LAMA5: variants seen among roughly 807,000 people sequenced by gnomAD.
LAMA5 encodes laminin subunit alpha 5, also known as laminin subunit alpha-5.
LAMA5 carries 260 observed loss-of-function variants against 433.4 expected under a neutral mutation model. The observed-to-expected ratio is 0.60, with a 90% CI of 0.54 to 0.66. The LOEUF (loss-of-function observed/expected upper bound fraction) is 0.66. Ranked by LOEUF, LAMA5 falls within the 30% of genes least tolerant of loss-of-function variation. The pLI is 0.00. For missense variants in LAMA5, 5,378 were observed against 5,258.5 expected (o/e 1.02, Z -0.70); for synonymous variants, 2,620 against 2,226.6 (o/e 1.18, Z -4.97).
chr20:62,329,339 G>A (rs528063052), intron 32 of LAMA5, 86 bp from the exon 33 acceptor site: 127 of 1,006,056 alleles, frequency 1.3e-4, no homozygotes, highest in Admixed American at 6.7e-4. Flanking sequence ...CCAGGGTCCT[G>A]CAGGCAGCTC....
At chr20:62,348,831 A>G (rs1983757845) in intron 6 of LAMA5, among the ~76,000 whole-genome samples, 1 of 152,116 alleles carries the variant, frequency 6.6e-6, no homozygotes, top group African/African-American at 2.4e-5. Context: ...TCCAGAAGAC[A>G]CCTCAGAAGA....
chr20:62,352,487 C>G (rs1984505039), intron 3 of LAMA5, 127 bp from the exon 4 acceptor site: 1 of 678,316 alleles, frequency 1.5e-6, no homozygotes, highest in Admixed American at 2.5e-5. Context: ...GGCCGCGTGA[C>G]AGAGACCACA....
Position 62,328,819 on chromosome 20 carries a change from G to T in LAMA5, c.4447+25C>A, listed in dbSNP as rs1979792247. On this transcript the variant is annotated intron_variant, in intron 34 of 79. Transcript: ENST00000252999. ...CTCTGGCACCAACTCCCTGCCACTG[G>T]GCGCCCAAGGACTGGGGTACTCACG... The T allele has an allele frequency of 1.9e-6, 3 of 1,604,530 alleles. No individual in the cohort carries two copies. In the African/African-American group the frequency reaches 4.0e-5, roughly 22 times the overall value.
intron 63 of LAMA5, 39 bp downstream of exon 63, chr20:62,313,610 G>A (rs762096963): frequency 2.2e-5 from 35 of 1,608,440 alleles, no homozygotes; most frequent in East Asian, 1.8e-4. Context: ...TCGGGGCTGC[G>A]GAGCCCCTCC....
rs769308093 is a variant in LAMA5 at position 62,362,350 on chromosome 20, G to A, written c.450+50C>T. On this transcript the variant is annotated intron_variant, in intron 2 of 79. Coordinates refer to ENST00000252999, the MANE Select transcript of LAMA5 (RefSeq NM_005560.6). ...TCCTGTGGCCCAAGGTAGGCCCGAC[G>A]GGCACAGACACAGAGATGGGGGCTG... 9.3e-5 allele frequency: 130 copies of A among 1,401,240 alleles called. 1 individual carries two copies. The Admixed American group carries it at 9.9e-4, about 11-fold the overall frequency. 86.8% of individuals were successfully genotyped at this position (1,401,240 alleles called of 1,614,324 possible). A position where few individuals can be genotyped will look rare whatever the true frequency, so the allele number is the denominator to read the frequency against.
chr20:62,343,021 T>C (rs904459752), intron 11 of LAMA5, among the ~76,000 whole-genome samples: 8 of 152,216 alleles, frequency 5.3e-5, no homozygotes, highest in Non-Finnish European at 1.2e-4. Context: ...AAATTGTCAG[T>C]TTACACCAGG....
rs1444572055 is a variant in LAMA5 at position 62,324,191 on chromosome 20, T to A, written c.5657A>T (p.Asn1886Ile). 1.9e-6 allele frequency: 3 copies of A among 1,575,918 alleles called. No homozygotes were observed. The East Asian group carries it at 6.7e-5, about 35-fold the overall frequency. Residue 1886 changes from asparagine (N) to isoleucine (I), a missense_variant, in exon 43 of 80, where the codon AAC (asparagine) becomes ATC (isoleucine). Asn to Ile is a moderately radical substitution (Grantham distance 149). Coordinates refer to ENST00000252999, the MANE Select transcript of LAMA5 (RefSeq NM_005560.6). This position sits in a 1 kb window ranked among gnomAD's most constrained non-coding sequence, Gnocchi z 4.4. The part of the protein sequence containing the change: ...GSGVCVDCQH[N>I]TEGAHCERCQ... ...GCGCTCACAGTGGGCCCCTTCGGTG[T>A]TGTGCTGGCAGTCCTGGGGCAGAGT...
intron 28 of LAMA5, 69 bp downstream of exon 28, chr20:62,332,303 C>T (rs1481941305): frequency 8.7e-7 from 1 of 1,144,488 alleles, no homozygotes; most frequent in Non-Finnish European, 1.3e-6. Flanking sequence ...GTCCTCTCCC[C>T]TCTCATGCAT....
chr20:62,331,091 C>T lies in LAMA5; in HGVS notation c.3591G>A (p.Pro1197=), dbSNP rs151262272. 4.2e-5 allele frequency: 68 copies of T among 1,603,592 alleles called. No homozygotes were observed. The highest frequency in any genetic ancestry group is 3.5e-4 in the African/African-American group (26 of 74,388). The change falls in exon 29 of 80, where the codon CCG becomes CCA. Residue 1197 remains proline, a synonymous_variant. Transcript: ENST00000252999. ...AGCTGACCCGGGGCTCCACGAACTC[C>T]GGGCTGAACTCCTCAATGGGCACCA... ...VTLVPIEEFS[P]EFVEPRVSCI... is the part of the protein sequence containing the mutation.
chr20:62,329,759 ACAT>A lies in LAMA5; in HGVS notation c.4119+15_4119+17del. On this transcript the variant is annotated intron_variant, in intron 32 of 79. Coordinates refer to ENST00000252999, the MANE Select transcript of LAMA5 (RefSeq NM_005560.6). ...TAAGGACAGCTGGTCCCTGAGCAGGACATCAGCTGGGACTCACCAGCCAGAGCC... is the reference window on the plus strand; with the variant it reads ...TAAGGACAGCTGGTCCCTGAGCAGGACAGCTGGGACTCACCAGCCAGAGCC... The A allele has an allele frequency of 6.2e-7, 1 of 1,611,848 alleles. No homozygotes were observed. Among genetic ancestry groups the A allele is most frequent in the Non-Finnish European group, 8.5e-7 (1 of 1,179,470 alleles).
rs1981913841 is a variant in LAMA5 at position 62,337,716 on chromosome 20, A to T, written c.2038T>A (p.Ser680Thr). 6.2e-7 allele frequency: 1 copy of T among 1,609,468 alleles called. No individual in the cohort carries two copies. Among genetic ancestry groups the T allele is most frequent in the African/African-American group, 1.3e-5 (1 of 75,034 alleles). Residue 680 changes from serine to threonine, a missense_variant, in exon 16 of 80, where the codon TCT (serine) becomes ACT (threonine). Ser to Thr is a moderately conservative substitution (Grantham distance 58). Coordinates refer to ENST00000252999, the MANE Select transcript of LAMA5 (RefSeq NM_005560.6). ...GFPSCVPCHCSAEGSLHAACD... is the reference protein window; with the variant it reads ...GFPSCVPCHCTAEGSLHAACD... ...GCTGCGTGCAGGGAGCCTTCAGCAG[A>T]GCAGTGGCAGGCTGCAGACAAGGAT...
Position 62,349,674 on chromosome 20 carries a change from G to A in LAMA5, c.956+2030C>T, listed in dbSNP as rs1412130265. Among the ~76,000 whole-genome samples, 7 of 13,464 alleles carry A rather than the reference G, an allele frequency of 5.2e-4. 1 individual carries two copies. Among genetic ancestry groups the A allele is most frequent in the Non-Finnish European group, 7.6e-4 (5 of 6,572 alleles). The allele number at this position is 13,464 out of a possible 152,430, so 8.8% of individuals were successfully genotyped here. Reference sequence around the variant, plus strand: ...GGGGATGGGGATGGGGATGGTGGGGGTGATGGGGGTGATGATGGTGATGGT... The same window carrying A: ...GGGGATGGGGATGGGGATGGTGGGGATGATGGGGGTGATGATGGTGATGGT... On this transcript the variant is annotated intron_variant, in intron 6 of 79. Transcript: ENST00000252999.
intron 50 of LAMA5, 89 bp from the exon 51 acceptor site, chr20:62,319,884 G>A: frequency 3.0e-6 from 3 of 1,002,086 alleles, no homozygotes; most frequent in Non-Finnish European, 4.4e-6. Context: ...GAGCGCCGAG[G>A]GTCCCAGGGA....
Position 62,324,516 on chromosome 20 carries a change from G to A in LAMA5, c.5568C>T (p.Leu1856=), listed in dbSNP as rs746861196. 5.6e-6 allele frequency: 9 copies of A among 1,612,400 alleles called. No homozygotes were observed. Among genetic ancestry groups the A allele is most frequent in the Non-Finnish European group, 6.8e-6 (8 of 1,179,890 alleles). Residue 1856 remains leucine (L), a synonymous_variant, in exon 42 of 80, where the codon CTC becomes CTT. Coordinates refer to ENST00000252999, the MANE Select transcript of LAMA5 (RefSeq NM_005560.6). This position sits in a 1 kb window ranked among gnomAD's most constrained non-coding sequence, Gnocchi z 4.4. Reference sequence around the variant, plus strand: ...GACAAGGGACACATCGGCCCAGGAAGAGACCTTTGACGTCCCGATAGAAGC... The same window carrying A: ...GACAAGGGACACATCGGCCCAGGAAAAGACCTTTGACGTCCCGATAGAAGC... ...APGFYRDVKG[L]FLGRCVPCQC... is the part of the protein sequence containing the mutation.
chr20:62,332,823 G>A lies in LAMA5; in HGVS notation c.3283-106C>T, dbSNP rs529944290. 2.0e-5 allele frequency: 28 copies of A among 1,398,280 alleles called. No individual in the cohort carries two copies. The East Asian group carries it at 2.2e-4, about 11-fold the overall frequency. The allele number at this position is 1,398,280 out of a possible 1,614,324, so 86.6% of individuals were successfully genotyped here. Reference sequence around the variant, plus strand: ...TGACCCCAGGGCCTGCCCTTCAGCCGAGTCCCACCCTGGCCCGGACATCTC... The same window carrying A: ...TGACCCCAGGGCCTGCCCTTCAGCCAAGTCCCACCCTGGCCCGGACATCTC... On this transcript the variant is annotated intron_variant, in intron 26 of 79. Transcript: ENST00000252999.
Position 62,311,708 on chromosome 20 carries a change from G to T in LAMA5, c.9712C>A (p.Pro3238Thr), listed in dbSNP as rs760907042. 2.5e-6 allele frequency: 4 copies of T among 1,569,510 alleles called. No individual in the cohort carries two copies. In the East Asian group the frequency reaches 7.0e-5, roughly 28 times the overall value. ...RGPPPELQPQ[P>T]EGPPRLLLGG... ...AGGAGGAGCCTCGGGGGCCCCTCAG[G>T]CTGCGGCTGGAGCTCGGGGGGTGGT... The change falls in exon 71 of 80, where the codon CCT becomes ACT. Residue 3238 changes from proline to threonine, a missense_variant. Coordinates refer to ENST00000252999, the MANE Select transcript of LAMA5 (RefSeq NM_005560.6).
intron 6 of LAMA5, among the ~76,000 whole-genome samples, chr20:62,347,731 T>G (rs1179730736): frequency 6.6e-6 from 1 of 151,806 alleles, no homozygotes; most frequent in African/African-American, 2.4e-5. Context: ...ACAGCGGGAG[T>G]CCCTGCCCCA....
At chr20:62,314,231 G>C in intron 62 of LAMA5, 73 bp downstream of exon 62, 1 of 1,542,972 alleles carries the variant, frequency 6.5e-7, no homozygotes, top group Non-Finnish European at 8.8e-7. Flanking sequence ...GGTGCACACG[G>C]AGAGGGGAGA....
Position 62,334,314 on chromosome 20 carries a change from G to C in LAMA5, c.2611C>G (p.Leu871Val). 2 of 1,608,800 alleles carry C rather than the reference G, an allele frequency of 1.2e-6. No individual in the cohort carries two copies. Among genetic ancestry groups the C allele is most frequent in the Non-Finnish European group, 1.7e-6 (2 of 1,178,232 alleles). The part of the protein sequence containing the change: ...EPARDHYLPD[L>V]HHLRLELEEA... ...TCCAGCTCCAGGCGCAGGTGGTGCAGGTCCGGGAGGTAGTGGTCCCTCGCA... is the reference window on the plus strand; with the variant it reads ...TCCAGCTCCAGGCGCAGGTGGTGCACGTCCGGGAGGTAGTGGTCCCTCGCA... Residue 871 changes from leucine to valine, a missense_variant, in exon 22 of 80, where the codon CTG (leucine) becomes GTG (valine). Coordinates refer to ENST00000252999, the MANE Select transcript of LAMA5 (RefSeq NM_005560.6).
Sources: gnomAD v4.1 joint callset for allele counts (sites outside exome capture counted in the v4.1 genomes callset) on GRCh38, gnomAD v4.1.1 for gene constraint, Gnocchi (gnomAD v3.1) non-coding constraint, MANE v1.5 for transcripts, NCBI Gene and HGNC (gene_info 2026-07-23, HGNC 2026-07-21) for gene names.